The following B4GALNT3 variants were observed in gnomAD, a reference collection of about 807,000 sequenced individuals.
B4GALNT3 encodes the protein beta-1,4-N-acetylgalactosaminyltransferase 3.
Under a neutral mutation model 120.2 loss-of-function variants are expected in B4GALNT3, and 86 were observed. That is an observed-to-expected ratio of 0.72 (90% CI 0.60 to 0.86). B4GALNT3 has a LOEUF of 0.86. Among genes scored for constraint, B4GALNT3 ranks in the 40% least tolerant of loss-of-function variants. The pLI, the probability that B4GALNT3 is intolerant of heterozygous loss-of-function variation, is 0.00. For missense variants in B4GALNT3, 1,167 were observed against 1,298.9 expected (o/e 0.90, Z 1.56); for synonymous variants, 518 against 510.4 (o/e 1.01, Z -0.20).
chr12:540,657 T>A (rs1035650992), intron 3 of B4GALNT3: 2 of 152,356 alleles, frequency 1.3e-5, no homozygotes, highest in Non-Finnish European at 2.9e-5. Flanking sequence ...GAGGTGAGGC[T>A]GGAAAAGGTA....
intron 1 of B4GALNT3, among the ~76,000 whole-genome samples, chr12:486,908 G>C (rs1341720756): frequency 6.6e-6 from 1 of 152,160 alleles, no homozygotes; most frequent in Non-Finnish European, 1.5e-5. Context: ...TTTAAACTAT[G>C]ATGATTAATA....
intron 1 of B4GALNT3, among the ~76,000 whole-genome samples, chr12:522,028 AC>A (rs1326099209): frequency 2.0e-5 from 3 of 148,650 alleles, no homozygotes; most frequent in Non-Finnish European, 4.5e-5. Flanking sequence ...CTCACCTGCC[AC>A]CCCTCCTCTT....
intron 1 of B4GALNT3, among the ~76,000 whole-genome samples, chr12:470,962 C>T (rs1360232137): frequency 6.6e-6 from 1 of 151,888 alleles, no homozygotes; most frequent in African/African-American, 2.4e-5. Context: ...CTCCTGACCT[C>T]AGGTGATGCG....
intron 14 of B4GALNT3, among the ~76,000 whole-genome samples, chr12:554,784 C>T (rs1203270658): frequency 3.6e-5 from 3 of 83,928 alleles, no homozygotes; most frequent in Admixed American, 1.5e-4. Context: ...AGCAAGACTC[C>T]GTCTCAAAAA....
At chr12:552,443 T>C (rs1180693500) in intron 12 of B4GALNT3, 24 bp from the exon 13 acceptor site, 2 of 1,611,316 alleles carry the variant, frequency 1.2e-6, no homozygotes, top group Non-Finnish European at 1.7e-6. Flanking sequence ...CGGGTGCCAA[T>C]GCACACCTCC....
intron 3 of B4GALNT3, among the ~76,000 whole-genome samples, chr12:536,910 G>A (rs1353160907): frequency 6.6e-6 from 1 of 152,114 alleles, no homozygotes; most frequent in Admixed American, 6.5e-5. Flanking sequence ...GTCTTTCTTG[G>A]GCCACTATCT....
At chr12:472,013 ATACCTCCTC>A (rs1379638328) in intron 1 of B4GALNT3, among the ~76,000 whole-genome samples, 2 of 152,174 alleles carry the variant, frequency 1.3e-5, no homozygotes, top group Non-Finnish European at 2.9e-5. Flanking sequence ...TGAATTTCTA[ATACCTCCTC>A]CAGCGACAGC....
chr12:506,276 C>G (rs866274520), intron 1 of B4GALNT3, among the ~76,000 whole-genome samples: 16 of 152,190 alleles, frequency 1.1e-4, no homozygotes, highest in Middle Eastern at 6.8e-3. Context: ...CATTTTATAA[C>G]TAAGAAAACC....
intron 1 of B4GALNT3, among the ~76,000 whole-genome samples, chr12:533,527 G>C (rs1245351422): frequency 1.3e-5 from 2 of 152,204 alleles, no homozygotes; most frequent in South Asian, 4.1e-4. Flanking sequence ...CTCTGCGCCG[G>C]CACTCCTCAA....
intron 1 of B4GALNT3, among the ~76,000 whole-genome samples, chr12:462,179 G>A (rs367750714): frequency 1.3e-4 from 20 of 152,208 alleles, no homozygotes; most frequent in African/African-American, 4.3e-4. Flanking sequence ...AGGCCCAAAT[G>A]GATGAGCTCC....
chr12:469,969 C>T (rs1267165094), intron 1 of B4GALNT3, among the ~76,000 whole-genome samples: 1 of 152,066 alleles, frequency 6.6e-6, no homozygotes, highest in Non-Finnish European at 1.5e-5. Flanking sequence ...GTACACCGTG[C>T]ATGGCCAGTG....
At chr12:463,507 G>A (rs893175431) in intron 1 of B4GALNT3, among the ~76,000 whole-genome samples, 12 of 152,294 alleles carry the variant, frequency 7.9e-5, no homozygotes, top group Non-Finnish European at 1.2e-4. Context: ...GTGCCAGGCC[G>A]TGTAGGTGTG....
At chr12:498,478 T>C (rs1056926616) in intron 1 of B4GALNT3, among the ~76,000 whole-genome samples, 8 of 151,500 alleles carry the variant, frequency 5.3e-5, no homozygotes, top group African/African-American at 1.7e-4. Context: ...CCATCTCTAG[T>C]TGACTTCCTG....
At chr12:461,077 A>G (rs7315649) in intron 1 of B4GALNT3, among the ~76,000 whole-genome samples, 129,708 of 152,010 alleles carry the variant, frequency 0.85, 57,173 homozygotes, top group Non-Finnish European at 0.98. Flanking sequence ...CTTTTTTACC[A>G]TACCTCGGAG....
chr12:471,056 G>C (rs933811951), intron 1 of B4GALNT3, among the ~76,000 whole-genome samples: 1 of 151,152 alleles, frequency 6.6e-6, no homozygotes, highest in Non-Finnish European at 1.5e-5. Flanking sequence ...ATATCTGTAA[G>C]TTTTATTTTG....
At chr12:515,005 A>G (rs938382437) in intron 1 of B4GALNT3, among the ~76,000 whole-genome samples, 27 of 152,194 alleles carry the variant, frequency 1.8e-4, no homozygotes, top group Admixed American at 5.2e-4. Context: ...GTGACAGAGC[A>G]AGGCTCTGTC....
intron 1 of B4GALNT3, among the ~76,000 whole-genome samples, chr12:512,151 G>GCCTTCCACCTTCCA (rs1565598476): frequency 4.7e-5 from 1 of 21,138 alleles, no homozygotes; most frequent in Non-Finnish European, 7.6e-5. Context: ...TCCACCTTCC[G>GCCTTCCACCTTCCA]CCTTCCGCCT....
chr12:512,410 A>ACCTTCCG (rs140090392), intron 1 of B4GALNT3, among the ~76,000 whole-genome samples: 3 of 82,152 alleles, frequency 3.7e-5, no homozygotes, highest in Non-Finnish European at 6.8e-5. Flanking sequence ...TTGACCTTCC[A>ACCTTCCG]CCTTCCGCCT....
rs149559046 is a variant in B4GALNT3 at position 545,459 on chromosome 12, G to C, written c.629G>C (p.Ser210Thr). 2 of 1,604,066 alleles carry C rather than the reference G, an allele frequency of 1.2e-6. No individual in the cohort carries two copies. Among genetic ancestry groups the C allele is most frequent in the South Asian group, 2.3e-5 (2 of 88,862 alleles). ...GTCTCAGGCCTCCAGCTGCTGGCCA[G>C]TGTGGGCAAGGTAAGGCCAGCTCAA... ...DQVSGLQLLASVGKTGKEWTA... is the reference protein window; with the variant it reads ...DQVSGLQLLATVGKTGKEWTA... The change falls in exon 6 of 20, where the codon AGT becomes ACT. Residue 210 changes from serine to threonine, a missense_variant. Ser to Thr is a moderately conservative substitution (Grantham distance 58). Coordinates refer to ENST00000266383, the MANE Select transcript of B4GALNT3 (RefSeq NM_173593.4).
Sources: gnomAD v4.1 joint callset for allele counts (sites outside exome capture counted in the v4.1 genomes callset) on GRCh38, gnomAD v4.1.1 for gene constraint, MANE v1.5 for transcripts, NCBI Gene and HGNC (gene_info 2026-07-23, HGNC 2026-07-21) for gene names.